The following RBFOX1 variants were observed in gnomAD, a reference collection of about 807,000 sequenced individuals.
RBFOX1 encodes the protein RNA binding protein fox-1 homolog 1.
Under a neutral mutation model 57.7 loss-of-function variants are expected in RBFOX1, and 8 were observed. The ratio of observed to expected loss-of-function variants is 0.14; its 90% CI spans 0.08 to 0.25. RBFOX1 has a LOEUF of 0.25. Ranked by LOEUF, RBFOX1 falls within the 10% of genes least tolerant of loss-of-function variation. The pLI, the probability that RBFOX1 is intolerant of heterozygous loss-of-function variation, is 1.00. For synonymous variants in RBFOX1, 326 were observed against 222.4 expected, an observed-to-expected ratio of 1.47 and a Z score of -4.15; for missense variants, 611 against 548.5, an observed-to-expected ratio of 1.11 and a Z score of -1.14.
chr16:7,233,134 C>T (rs2093595711), intron 4 of RBFOX1, among the ~76,000 whole-genome samples: 1 of 152,056 alleles, frequency 6.6e-6, no homozygotes, highest in African/African-American at 2.4e-5. Context: ...TTAAAAACCC[C>T]ACTGTACTTA....
intron 4 of RBFOX1, among the ~76,000 whole-genome samples, chr16:7,100,030 G>A (rs1318232712): frequency 1.3e-5 from 2 of 151,810 alleles, no homozygotes; most frequent in African/African-American, 4.8e-5. Context: ...GATTGCCCTG[G>A]TCGAGGAGGG....
At chr16:7,268,074 CA>C (rs2095217825) in intron 4 of RBFOX1, among the ~76,000 whole-genome samples, 1 of 152,132 alleles carries the variant, frequency 6.6e-6, no homozygotes. Context: ...ATCTAGGCTA[CA>C]AAGCTAGCAG....
At chr16:7,021,424 ATT>A (rs1200920873) in intron 3 of RBFOX1, among the ~76,000 whole-genome samples, 1 of 145,564 alleles carries the variant, frequency 6.9e-6, no homozygotes, top group African/African-American at 2.5e-5. Context: ...TTTTTTATAT[ATT>A]TGTATATATG....
At chr16:7,253,044 T>A (rs2094550164) in intron 4 of RBFOX1, among the ~76,000 whole-genome samples, 1 of 152,188 alleles carries the variant, frequency 6.6e-6, no homozygotes, top group African/African-American at 2.4e-5. Flanking sequence ...TCTGCATCTT[T>A]TCCATCTTTT....
At chr16:5,735,703 C>G (rs897585511) in intron 3 of RBFOX1, among the ~76,000 whole-genome samples, 1 of 152,034 alleles carries the variant, frequency 6.6e-6, no homozygotes, top group African/African-American at 2.4e-5. Context: ...TTGAGACCAC[C>G]CTGGTCAACA....
chr16:5,461,450 G>T (rs1398454499), intron 1 of RBFOX1, among the ~76,000 whole-genome samples: 1 of 152,154 alleles, frequency 6.6e-6, no homozygotes, highest in Non-Finnish European at 1.5e-5. Context: ...TAATTATTGT[G>T]CTGGGCACTG....
At chr16:7,230,682 A>G (rs973341362) in intron 4 of RBFOX1, among the ~76,000 whole-genome samples, 1 of 152,174 alleles carries the variant, frequency 6.6e-6, no homozygotes, top group African/African-American at 2.4e-5. Flanking sequence ...CTAAATATAG[A>G]AGGGGAGAGC....
chr16:5,491,549 C>T (rs1344266115), intron 2 of RBFOX1, among the ~76,000 whole-genome samples: 1 of 152,190 alleles, frequency 6.6e-6, no homozygotes, highest in Non-Finnish European at 1.5e-5. Context: ...AATATTTATA[C>T]AACAGGATTC....
chr16:5,615,094 G>C (rs138822074), intron 3 of RBFOX1, among the ~76,000 whole-genome samples: 1 of 152,308 alleles, frequency 6.6e-6, no homozygotes, highest in Non-Finnish European at 1.5e-5. Context: ...GCATGCAGTG[G>C]TGCCGTCATA....
At chr16:7,450,902 C>T (rs888026359) in intron 4 of RBFOX1, among the ~76,000 whole-genome samples, 10 of 152,130 alleles carry the variant, frequency 6.6e-5, no homozygotes, top group Non-Finnish European at 1.3e-4. Flanking sequence ...TCAGGGCATG[C>T]ATCCACAGCG....
At chr16:6,086,171 G>A (rs2096080752) in intron 1 of RBFOX1, among the ~76,000 whole-genome samples, 1 of 152,152 alleles carries the variant, frequency 6.6e-6, no homozygotes, top group South Asian at 2.1e-4. Flanking sequence ...TTTTATGGCT[G>A]CATAGTATTC....
At chr16:7,146,228 A>G (rs1023578652) in intron 4 of RBFOX1, among the ~76,000 whole-genome samples, 7 of 64,784 alleles carry the variant, frequency 1.1e-4, no homozygotes, top group East Asian at 7.2e-4. Context: ...GGGCCTCACA[A>G]TCCATATGCA....
intron 2 of RBFOX1, among the ~76,000 whole-genome samples, chr16:6,509,198 T>C (rs368925499): frequency 4.6e-5 from 7 of 152,290 alleles, no homozygotes; most frequent in African/African-American, 1.7e-4. Context: ...CTGGTAAAGG[T>C]ATTTTTGGGG....
Position 7,571,341 on chromosome 16 carries a change from C to G in RBFOX1, c.271-8436C>G, listed in dbSNP as rs142788890. On this transcript the variant is annotated intron_variant, in intron 5 of 15. Coordinates refer to ENST00000550418, the MANE Select transcript of RBFOX1 (RefSeq NM_018723.4). ...GAAACCCCAGGAGGGGGACAGAATC[C>G]AAAAGGCATGTATCTCTACACGACT... Among the ~76,000 whole-genome samples, 131 of 152,200 alleles carry G rather than the reference C, an allele frequency of 8.6e-4. 1 individual carries two copies. The highest frequency in any genetic ancestry group is 3.1e-3 in the African/African-American group (130 of 41,522).
chr16:5,534,475 C>A (rs2044616160), intron 2 of RBFOX1, among the ~76,000 whole-genome samples: 2 of 151,988 alleles, frequency 1.3e-5, no homozygotes, highest in Non-Finnish European at 2.9e-5. Flanking sequence ...TGCGAGAGAC[C>A]CCAGCAAACC....
At chr16:7,702,854 A>T (rs544158677) in intron 14 of RBFOX1, among the ~76,000 whole-genome samples, 4 of 151,944 alleles carry the variant, frequency 2.6e-5, no homozygotes, top group Non-Finnish European at 5.9e-5. Flanking sequence ...TTTATTTTTC[A>T]TTTGGAAAAG....
At chr16:6,518,768 TATCC>T (rs1293935153) in intron 2 of RBFOX1, among the ~76,000 whole-genome samples, 3 of 150,842 alleles carry the variant, frequency 2.0e-5, no homozygotes, top group African/African-American at 7.3e-5. Flanking sequence ...TCCATCTATC[TATCC>T]ATCTGTCTGT....
chr16:7,261,549 G>A (rs1162616873), intron 4 of RBFOX1, among the ~76,000 whole-genome samples: 1 of 152,134 alleles, frequency 6.6e-6, no homozygotes, highest in Non-Finnish European at 1.5e-5. Context: ...ACTTTGCTCT[G>A]AGCTCTTGCT....
chr16:6,653,652 G>A (rs1187013134), intron 2 of RBFOX1, among the ~76,000 whole-genome samples: 1 of 151,566 alleles, frequency 6.6e-6, no homozygotes, highest in Admixed American at 6.6e-5. Flanking sequence ...TGGATGGATG[G>A]ATGAATGGGT....
Sources: gnomAD v4.1 joint callset for allele counts (sites outside exome capture counted in the v4.1 genomes callset) on GRCh38, gnomAD v4.1.1 for gene constraint, MANE v1.5 for transcripts, NCBI Gene and HGNC (gene_info 2026-07-23, HGNC 2026-07-21) for gene names.